CAST: variants seen among roughly 807,000 people sequenced by gnomAD.
CAST encodes MIR583 host.
Under a neutral mutation model 119.6 loss-of-function variants are expected in CAST, and 76 were observed. That is an observed-to-expected ratio of 0.64 (90% CI 0.53 to 0.77). The LOEUF is 0.77. CAST is among the 30% of genes least tolerant of loss of function. The pLI, the probability that CAST is intolerant of heterozygous loss-of-function variation, is 0.00. For synonymous variants in CAST, 319 were observed against 331.6 expected (o/e 0.96, Z 0.41); for missense variants, 953 against 946.5 (o/e 1.01, Z -0.09).
chr5:96,750,540 A>T (rs1163073271), intron 19 of CAST, 47 bp from the exon 20 acceptor site: 3 of 1,239,986 alleles, frequency 2.4e-6, no homozygotes, highest in Non-Finnish European at 1.2e-6. Flanking sequence ...CAGTCTTATT[A>T]ACCAAATATT....
the CAST span, among the ~76,000 whole-genome samples, chr5:96,177,456 G>A: frequency 1.1e-4 from 17 of 152,290 alleles, 2 homozygotes; most frequent in African/African-American, 4.1e-4. Flanking sequence ...GTAACTGACA[G>A]CATGAATTAC....
the CAST span, among the ~76,000 whole-genome samples, chr5:96,100,720 G>A: frequency 6.6e-6 from 1 of 152,064 alleles, no homozygotes; most frequent in Non-Finnish European, 1.5e-5. Flanking sequence ...AGTATCTGTT[G>A]GGGGTTGGTT....
chr5:96,748,948 G>A (rs990666821), intron 19 of CAST, among the ~76,000 whole-genome samples: 2 of 152,016 alleles, frequency 1.3e-5, no homozygotes, highest in Admixed American at 1.3e-4. Flanking sequence ...CATGTCCGCC[G>A]GACTCATTCT....
At chr5:96,277,053 T>C in the CAST span, among the ~76,000 whole-genome samples, 1 of 152,262 alleles carries the variant, frequency 6.6e-6, no homozygotes, top group African/African-American at 2.4e-5. Context: ...TTCCATTGTA[T>C]AAATAAACTA....
At chr5:96,410,935 G>A in the CAST span, 4 of 1,613,864 alleles carry the variant, frequency 2.5e-6, no homozygotes, top group Non-Finnish European at 2.5e-6. Flanking sequence ...TCTCCCTGAC[G>A]CCCCCCGTTT....
chr5:96,644,822 A>C (rs2150203938), intron 1 of CAST, among the ~76,000 whole-genome samples: 1 of 152,278 alleles, frequency 6.6e-6, no homozygotes, highest in East Asian at 1.9e-4. Context: ...TAAAAATACA[A>C]AAATTAGCCT....
the CAST span, among the ~76,000 whole-genome samples, chr5:96,442,303 A>G: frequency 1.3e-5 from 2 of 152,228 alleles, no homozygotes; most frequent in Admixed American, 1.3e-4. Flanking sequence ...ATTTGAATGG[A>G]CTAAATTATG....
rs540289866 is a variant in CAST, at chr5:96,614,160, C to T, written c.61-61379C>T. Reference sequence around the variant, plus strand: ...TCTACAGCATTTTCTGGTGAGGAACCCTTTAATTAACATGATTAAAGGTGA... The same window carrying T: ...TCTACAGCATTTTCTGGTGAGGAACTCTTTAATTAACATGATTAAAGGTGA... On this transcript the variant is annotated intron_variant, in intron 1 of 11. Coordinates refer to the CAST transcript ENST00000505143. Among the ~76,000 whole-genome samples, 5 of 152,272 alleles carry T rather than the reference C, an allele frequency of 3.3e-5. No homozygotes were observed. In the South Asian group the frequency reaches 1.0e-3, roughly 32 times the overall value.
At chr5:96,423,241 G>C in the CAST span, 1 of 1,465,126 alleles carries the variant, frequency 6.8e-7, no homozygotes, top group Non-Finnish European at 9.4e-7. Context: ...CCCTTGAAAA[G>C]AAGGAAAGCC....
At chr5:96,425,051 A>G in the CAST span, among the ~76,000 whole-genome samples, 2 of 145,244 alleles carry the variant, frequency 1.4e-5, no homozygotes, top group African/African-American at 5.5e-5. Flanking sequence ...AAAGAAAGAA[A>G]GAAAGAAAGA....
the CAST span, among the ~76,000 whole-genome samples, chr5:96,163,650 C>T: frequency 6.6e-6 from 1 of 152,188 alleles, no homozygotes; most frequent in Non-Finnish European, 1.5e-5. Flanking sequence ...GCCACTGGGC[C>T]TGAAATCCAA....
the CAST span, among the ~76,000 whole-genome samples, chr5:96,463,717 A>G: frequency 6.6e-6 from 1 of 151,960 alleles, no homozygotes; most frequent in African/African-American, 2.4e-5. Context: ...TGGTACCCCA[A>G]TTAAATCCCA....
At chr5:96,675,729 C>A in intron 2 of CAST, 128 bp downstream of exon 2, 2 of 655,210 alleles carry the variant, frequency 3.1e-6, no homozygotes, top group Non-Finnish European at 5.2e-6. Context: ...TTGATTTAAC[C>A]AAGATTTGGT....
chr5:96,469,879 A>ATTAT, the CAST span, among the ~76,000 whole-genome samples: 39 of 107,392 alleles, frequency 3.6e-4, no homozygotes, highest in African/African-American at 6.3e-4. Flanking sequence ...ATATATATAT[A>ATTAT]ATATATATAT....
rs1769846595 is a variant in CAST at position 96,766,098 on chromosome 5, G to A, written c.2083G>A (p.Asp695Asn). The change falls in exon 27 of 32, where the codon GAC becomes AAC. Residue 695 changes from aspartate to asparagine, a missense_variant. Asp to Asn is a conservative substitution (Grantham distance 23). Coordinates refer to ENST00000675179, the MANE Select transcript of CAST (RefSeq NM_001750.7). ...TAGAGACAAGCTTGGAGAAAGAGAT[G>A]ACACTATCCCACCTGAATACAGACA... is the stretch of plus-strand genomic sequence containing the variant. ...EHRDKLGERDDTIPPEYRHLL... is the reference protein window; with the variant it reads ...EHRDKLGERDNTIPPEYRHLL... 1.9e-6 allele frequency: 3 copies of A among 1,611,572 alleles called. No homozygotes were observed. The highest frequency in any genetic ancestry group is 2.5e-6 in the Non-Finnish European group (3 of 1,178,324).
the CAST span, among the ~76,000 whole-genome samples, chr5:96,057,358 A>T: frequency 6.6e-6 from 1 of 152,180 alleles, no homozygotes; most frequent in Non-Finnish European, 1.5e-5. Context: ...GTTTTTGACT[A>T]TTTTGAGTTG....
the CAST span, chr5:96,433,935 G>A: frequency 3.3e-5 from 5 of 152,092 alleles, no homozygotes; most frequent in Admixed American, 1.3e-4. Flanking sequence ...ACCTTTTAGG[G>A]TGTTTATCAG....
chr5:96,740,875 T>C (rs1478006646), intron 13 of CAST, 92 bp downstream of exon 13: 5 of 836,720 alleles, frequency 6.0e-6, no homozygotes, highest in Non-Finnish European at 8.1e-6. Flanking sequence ...TTGAGGATTA[T>C]GACTTAACTC....
the CAST span, among the ~76,000 whole-genome samples, chr5:96,302,089 G>C: frequency 2.0e-5 from 3 of 152,170 alleles, no homozygotes; most frequent in Non-Finnish European, 4.4e-5. Context: ...AGGATCCCAA[G>C]CCTCAACTCT....
Sources: allele counts gnomAD v4.1 joint callset (sites outside exome capture counted in the v4.1 genomes callset), GRCh38; gene constraint gnomAD v4.1.1; transcripts MANE v1.5; gene names NCBI Gene and HGNC (gene_info 2026-07-23, HGNC 2026-07-21).